The following CASC3 variants were observed in gnomAD, a reference collection of about 807,000 sequenced individuals.
CASC3 encodes the protein protein CASC3.
A neutral mutation model predicts 80.5 loss-of-function variants in CASC3; 30 were observed. The observed-to-expected ratio is 0.37, with a 90% CI of 0.28 to 0.51. CASC3 has a LOEUF of 0.51. CASC3 is among the 20% of genes least tolerant of loss of function. The pLI, the probability that CASC3 is intolerant of heterozygous loss-of-function variation, is 0.94. For missense variants in CASC3, 824 were observed against 922.2 expected (o/e 0.89, Z 1.38); for synonymous variants, 312 against 333.6 (o/e 0.94, Z 0.70).
At position 40,166,785 on chromosome 17, in the gene CASC3, G is replaced by C; in HGVS notation, c.1472-12G>C. On this transcript the variant is annotated splice_polypyrimidine_tract_variant and intron_variant, in intron 7 of 13. Transcript: ENST00000264645. ...TCTGATCTGCAGAAGTGACTTTTTT[G>C]GTGTATTACAGGTATGCCCAACCAT... 2 of 1,580,610 alleles carry C rather than the reference G, an allele frequency of 1.3e-6. No homozygotes were observed. The highest frequency in any genetic ancestry group is 1.7e-6 in the Non-Finnish European group (2 of 1,168,036).
rs768307317 is a variant in CASC3 at position 40,163,965 on chromosome 17, G to A, written c.1270G>A (p.Val424Met). 1.9e-6 allele frequency: 3 copies of A among 1,614,102 alleles called. No individual in the cohort carries two copies. Among genetic ancestry groups the A allele is most frequent in the Non-Finnish European group, 2.5e-6 (3 of 1,180,030 alleles). Residue 424 changes from valine to methionine, a missense_variant, in exon 7 of 14, where the codon GTG becomes ATG. Coordinates refer to ENST00000264645, the MANE Select transcript of CASC3 (RefSeq NM_007359.5). Reference protein sequence around the residue: ...VGDAVKLAEEVPPPPEGLIPA... With the variant: ...VGDAVKLAEEMPPPPEGLIPA... ...AGATGCAGTCAAGCTTGCAGAGGAGGTGCCCCCTCCTCCTGAAGGACTGAT... is the reference window on the plus strand; with the variant it reads ...AGATGCAGTCAAGCTTGCAGAGGAGATGCCCCCTCCTCCTGAAGGACTGAT...
chr17:40,152,503 T>G (rs1160982156), intron 3 of CASC3, among the ~76,000 whole-genome samples: 1 of 151,868 alleles, frequency 6.6e-6, no homozygotes, highest in Non-Finnish European at 1.5e-5. Flanking sequence ...GTATTTTTAG[T>G]AGAGGTGGAG....
At chr17:40,145,510 A>C (rs1197974547) in intron 3 of CASC3, among the ~76,000 whole-genome samples, 4 of 152,028 alleles carry the variant, frequency 2.6e-5, no homozygotes, top group Non-Finnish European at 5.9e-5. Context: ...CAGATAGAGA[A>C]GATAGAGAGC....
At position 40,167,568 on chromosome 17, in the gene CASC3, C is replaced by T. The variant is rs776628497; in HGVS notation, c.1607C>T (p.Pro536Leu). The T allele has an allele frequency of 6.2e-6, 10 of 1,613,972 alleles. No individual in the cohort carries two copies. The highest frequency in any genetic ancestry group is 8.5e-6 in the Non-Finnish European group (10 of 1,179,992). The change falls in exon 9 of 14, where the codon CCT becomes CTT. Residue 536 changes from proline to leucine, a missense_variant. Transcript: ENST00000264645. ...RQRPVPEPPA[P>L]PVHISIMEGH... is the part of the protein sequence containing the mutation. ...AGACCTGTGCCAGAGCCCCCCGCCC[C>T]TCCAGTGCATATCAGTATCATGGAG...
Position 40,162,027 on chromosome 17 carries a change from A to C in CASC3, c.482A>C (p.Lys161Thr), listed in dbSNP as rs781381194. The C allele has an allele frequency of 1.2e-6, 2 of 1,613,966 alleles. No homozygotes were observed. The highest frequency in any genetic ancestry group is 1.7e-6 in the Non-Finnish European group (2 of 1,180,008). ...GQESTEPVEN[K>T]VGKKGPKHLD... ...GAGAGCACAGAGCCTGTGGAGAACA[A>C]AGTGGGTAAAAAGGGCCCTAAGCAT... is the stretch of plus-strand genomic sequence containing the variant. The change falls in exon 5 of 14, where the codon AAA (lysine) becomes ACA (threonine). Residue 161 changes from lysine (K) to threonine (T), a missense_variant. By Grantham distance (78) the Lys-to-Thr change is moderately conservative. This residue lies in a region of CASC3 where 201 missense variants were observed against 294.1 expected (regional missense o/e 0.68). Transcript: ENST00000264645.
rs557768341 is a variant in CASC3, at chr17:40,162,089, A to G, written c.544A>G (p.Ile182Val). ...TGAAGATCGGAAGAATCCAGCATAC[A>G]TACCTCGGAAAGGGCTCTTCTTTGA... ...DDEDRKNPAY[I>V]PRKGLFFEHD... The change falls in exon 5 of 14, where the codon ATA (isoleucine) becomes GTA (valine). Residue 182 changes from isoleucine (I) to valine (V), a missense_variant. Coordinates refer to ENST00000264645, the MANE Select transcript of CASC3 (RefSeq NM_007359.5). The G allele has an allele frequency of 5.6e-6, 9 of 1,614,110 alleles. No individual in the cohort carries two copies. The highest frequency in any genetic ancestry group is 1.1e-5 in the South Asian group (1 of 91,070).
intron 3 of CASC3, among the ~76,000 whole-genome samples, chr17:40,157,355 A>T (rs529593987): frequency 5.3e-5 from 8 of 149,564 alleles, no homozygotes; most frequent in African/African-American, 2.0e-4. Context: ...ATAAATAAAT[A>T]AATAAATAAA....
chr17:40,168,410 A>T lies in CASC3; in HGVS notation c.1958A>T (p.Asn653Ile). The change falls in exon 11 of 14, where the codon AAT becomes ATT. Residue 653 changes from asparagine (N) to isoleucine (I), a missense_variant. By Grantham distance (149) the Asn-to-Ile change is moderately radical. Around this residue, in one of 3 missense-constraint regions of CASC3, gnomAD observed 464 missense variants for 506.0 expected, o/e 0.92. Transcript: ENST00000264645. ...PPPPPPHLYP[N>I]TQAPSQVYGG... The stretch of plus-strand genomic sequence containing the variant: ...CCACCACCGCCTCATCTGTATCCTA[A>T]TACACAGGTGAGATGGCTAATGATC... 1 of 1,612,488 alleles carries T rather than the reference A, an allele frequency of 6.2e-7. No homozygotes were observed. Among genetic ancestry groups the T allele is most frequent in the Non-Finnish European group, 8.5e-7 (1 of 1,178,570 alleles).
chr17:40,149,195 C>T (rs190914067), intron 3 of CASC3, among the ~76,000 whole-genome samples: 1 of 151,654 alleles, frequency 6.6e-6, no homozygotes, highest in African/African-American at 2.4e-5. Flanking sequence ...GTTTGGGTCT[C>T]GGTTTTGCTG....
At chr17:40,166,981 CAG>C in intron 8 of CASC3, 120 bp downstream of exon 8, 3 of 714,124 alleles carry the variant, frequency 4.2e-6, no homozygotes, top group Admixed American at 3.5e-5. Context: ...TTTTTTGAGA[CAG>C]AGTCTCGCTC....
intron 3 of CASC3, among the ~76,000 whole-genome samples, chr17:40,159,523 G>A (rs562413535): frequency 6.2e-4 from 92 of 148,038 alleles, no homozygotes; most frequent in Non-Finnish European, 1.1e-3. Context: ...CTACAGGCAC[G>A]CACGCATCAG....
rs371808902 is a variant in CASC3, at chr17:40,162,683, G to T, written c.609-42G>T. On this transcript the variant is annotated intron_variant, in intron 5 of 13. Coordinates refer to ENST00000264645, the MANE Select transcript of CASC3 (RefSeq NM_007359.5). ...TTGTTCAAGAACATCTCTACTTGGA[G>T]AATTCTGCTGACCCAAGACACTTTT... is the stretch of plus-strand genomic sequence containing the variant. 8.9e-5 allele frequency: 142 copies of T among 1,601,774 alleles called. No individual in the cohort carries two copies. In the African/African-American group the frequency reaches 1.7e-3, roughly 19 times the overall value.
At chr17:40,143,197 G>A (rs967817463) in intron 3 of CASC3, among the ~76,000 whole-genome samples, 45 of 152,314 alleles carry the variant, frequency 3.0e-4, no homozygotes, top group African/African-American at 1.1e-3. Flanking sequence ...TGTAATCCCA[G>A]CACTGTGGGA....
At position 40,164,057 on chromosome 17, in the gene CASC3, G is replaced by T. The variant is rs185162031; in HGVS notation, c.1362G>T (p.Pro454=). The part of the protein sequence containing the change: ...PPTKTGTWEA[P]VDSSTSGLEQ... ...CTAAGACTGGGACCTGGGAAGCTCC[G>T]GTGGATTCTAGTACAAGTGGACTTG... Residue 454 remains proline (P), a synonymous_variant, in exon 7 of 14, where the codon CCG becomes CCT. Transcript: ENST00000264645. 6.2e-7 allele frequency: 1 copy of T among 1,613,874 alleles called. No homozygotes were observed. Among genetic ancestry groups the T allele is most frequent in the Non-Finnish European group, 8.5e-7 (1 of 1,180,016 alleles).
At chr17:40,159,043 C>T (rs1989223246) in intron 3 of CASC3, among the ~76,000 whole-genome samples, 1 of 152,060 alleles carries the variant, frequency 6.6e-6, no homozygotes, top group African/African-American at 2.4e-5. Flanking sequence ...TCAGACCAGC[C>T]TGGGTAATGT....
Position 40,167,861 on chromosome 17 carries a change from G to A in CASC3, c.1663G>A (p.Gly555Arg). The A allele has an allele frequency of 6.2e-7, 1 of 1,613,996 alleles. No homozygotes were observed. The highest frequency in any genetic ancestry group is 1.1e-5 in the South Asian group (1 of 91,074). Residue 555 changes from glycine to arginine, a missense_variant, in exon 10 of 14, where the codon GGA becomes AGA. By Grantham distance (125) the Gly-to-Arg change is moderately radical (BLOSUM62 -2). Transcript: ENST00000264645. ...GHYYDPLQFQ[G>R]PIYTHGDSPA... ...GTGATATCTTACAGTGCAGTTCCAG[G>A]GACCAATCTATACCCATGGTGACAG...
Position 40,164,098 on chromosome 17 carries a change from A to G in CASC3, c.1403A>G (p.Gln468Arg). Residue 468 changes from glutamine (Q) to arginine (R), a missense_variant, in exon 7 of 14, where the codon CAA becomes CGA. By Grantham distance (43) the Gln-to-Arg change is conservative. Transcript: ENST00000264645. ...AGTGGACTTGAGCAAGATGTGGCACAACTAAATATAGCAGAACAGAATTGG... is the reference window on the plus strand; with the variant it reads ...AGTGGACTTGAGCAAGATGTGGCACGACTAAATATAGCAGAACAGAATTGG... Reference protein sequence around the residue: ...STSGLEQDVAQLNIAEQNWSP... With the variant: ...STSGLEQDVARLNIAEQNWSP... 4 of 1,613,688 alleles carry G rather than the reference A, an allele frequency of 2.5e-6. No individual in the cohort carries two copies. Among genetic ancestry groups the G allele is most frequent in the Admixed American group, 1.7e-5 (1 of 60,000 alleles).
Position 40,169,431 on chromosome 17 carries a change from G to A in CASC3, c.2073G>A (p.Lys691=). Reference sequence around the variant, plus strand: ...GGACTCCCCAGCCAGTCACCATCAAGCCCCCTCCACCTGAGGTATGAGAGT... The same window carrying A: ...GGACTCCCCAGCCAGTCACCATCAAACCCCCTCCACCTGAGGTATGAGAGT... The part of the protein sequence containing the change: ...PRRTPQPVTI[K]PPPPEVVSRG... Residue 691 remains lysine (K), a synonymous_variant, in exon 12 of 14, where the codon AAG becomes AAA. Coordinates refer to ENST00000264645, the MANE Select transcript of CASC3 (RefSeq NM_007359.5). The A allele has an allele frequency of 6.2e-7, 1 of 1,609,610 alleles. No individual in the cohort carries two copies. Among genetic ancestry groups the A allele is most frequent in the Non-Finnish European group, 8.5e-7 (1 of 1,178,322 alleles).
chr17:40,147,653 GA>G (rs1384578638), intron 3 of CASC3, among the ~76,000 whole-genome samples: 1 of 151,966 alleles, frequency 6.6e-6, no homozygotes, highest in Non-Finnish European at 1.5e-5. Context: ...CTCAGAAAAA[GA>G]AAAAGGAGTC....
Sources: allele counts gnomAD v4.1 joint callset (sites outside exome capture counted in the v4.1 genomes callset), GRCh38; gene constraint gnomAD v4.1.1; regional missense constraint gnomAD v4.1.1; transcripts MANE v1.5; gene names NCBI Gene and HGNC (gene_info 2026-07-23, HGNC 2026-07-21).